PGLYRP3: variants seen among roughly 807,000 people sequenced by gnomAD.
PGLYRP3 encodes peptidoglycan recognition protein I alpha.
Under a neutral mutation model 36.0 loss-of-function variants are expected in PGLYRP3, and 39 were observed. The observed-to-expected ratio is 1.08, with a 90% CI of 0.84 to 1.41. The LOEUF (loss-of-function observed/expected upper bound fraction) is 1.41. Among genes scored for constraint, PGLYRP3 ranks in the 40% most tolerant of loss-of-function variants. The pLI, the probability that PGLYRP3 is intolerant of heterozygous loss-of-function variation, is 0.00. For synonymous variants in PGLYRP3, 204 were observed against 172.8 expected, an observed-to-expected ratio of 1.18 and a Z score of -1.42; for missense variants, 407 against 427.9, an observed-to-expected ratio of 0.95 and a Z score of 0.43.
intron 3 of PGLYRP3, 66 bp downstream of exon 3, chr1:153,307,000 A>G (rs1332600949): frequency 3.4e-6 from 5 of 1,478,472 alleles, no homozygotes; most frequent in Non-Finnish European, 4.7e-6. Context: ...AGCCACAGAG[A>G]AGGGGAAGTG....
At chr1:153,309,864 C>T (rs953973428) in intron 2 of PGLYRP3, among the ~76,000 whole-genome samples, 1 of 152,158 alleles carries the variant, frequency 6.6e-6, no homozygotes, top group South Asian at 2.1e-4. Flanking sequence ...AGTTAATTTC[C>T]CCATCAGGGC....
chr1:153,309,460 GT>G (rs1298440768), intron 2 of PGLYRP3, among the ~76,000 whole-genome samples: 4 of 152,194 alleles, frequency 2.6e-5, no homozygotes, highest in Non-Finnish European at 4.4e-5. Flanking sequence ...CCCCAAAGTT[GT>G]CAGATGAACT....
At chr1:153,298,259 C>T in intron 7 of PGLYRP3, 125 bp from the exon 8 acceptor site, 1 of 1,044,122 alleles carries the variant, frequency 9.6e-7, no homozygotes, top group Admixed American at 2.3e-5. Context: ...TCACCATAGC[C>T]AACACATTTA....
intron 2 of PGLYRP3, 116 bp from the exon 3 acceptor site, chr1:153,307,383 C>T (rs1659771866): frequency 8.1e-6 from 8 of 988,648 alleles, no homozygotes; most frequent in Non-Finnish European, 1.2e-5. Context: ...GCATGGGAGA[C>T]ACCCTGGGGG....
At chr1:153,309,845 G>GCTTGGGCAAGTTAATTTC (rs1553194897) in intron 2 of PGLYRP3, among the ~76,000 whole-genome samples, 3 of 152,214 alleles carry the variant, frequency 2.0e-5, no homozygotes, top group African/African-American at 2.4e-5. Context: ...TCCCTGCTTT[G>GCTTGGGCAAGTTAATTTC]CTTGGGCAAG....
intron 3 of PGLYRP3, among the ~76,000 whole-genome samples, chr1:153,306,283 CATGCGGGACA>C (rs2101521220): frequency 6.6e-6 from 1 of 152,302 alleles, no homozygotes; most frequent in South Asian, 2.1e-4. Context: ...TTTAGAGTTC[CATGCGGGACA>C]GCCCCATTCC....
chr1:153,298,165 A>C lies in PGLYRP3; in HGVS notation c.848-31T>G, dbSNP rs866244007. 3.7e-6 allele frequency: 6 copies of C among 1,605,152 alleles called. No individual in the cohort carries two copies. In the Middle Eastern group the frequency reaches 1.0e-3, roughly 267 times the overall value. On this transcript the variant is annotated intron_variant, in intron 7 of 7. Transcript: ENST00000683862. ...AAACACATTTTCCCCATCAGTCATT[A>C]GGGGCTCAAAGTTTCTTGATTAGGG... is the stretch of plus-strand genomic sequence containing the variant.
At chr1:153,300,032 A>G (rs147722477) in intron 6 of PGLYRP3, among the ~76,000 whole-genome samples, 3 of 152,260 alleles carry the variant, frequency 2.0e-5, no homozygotes, top group East Asian at 3.9e-4. Flanking sequence ...TACAAATCCT[A>G]TCATAGAGCA....
intron 1 of PGLYRP3, among the ~76,000 whole-genome samples, chr1:153,311,201 A>G (rs977548911): frequency 3.3e-5 from 5 of 152,108 alleles, no homozygotes; most frequent in African/African-American, 1.2e-4. Context: ...CATTCAATTC[A>G]GTCATCTACT....
chr1:153,312,593 C>T (rs1400240254), intron 1 of PGLYRP3, among the ~76,000 whole-genome samples, 50 bp downstream of exon 1: 2 of 137,132 alleles, frequency 1.5e-5, no homozygotes, highest in Admixed American at 7.5e-5. Flanking sequence ...ATGAAGACTT[C>T]TAAAGAAATA....
chr1:153,304,045 T>C, intron 4 of PGLYRP3, 36 bp from the exon 5 acceptor site: 1 of 1,588,120 alleles, frequency 6.3e-7, no homozygotes, highest in Non-Finnish European at 8.6e-7. Context: ...AAAATGTCAG[T>C]AAGAAACTCC....
chr1:153,297,885 A>AG lies in PGLYRP3; in HGVS notation c.*70_*71insC. 1.3e-6 allele frequency: 2 copies of AG among 1,550,628 alleles called. No homozygotes were observed. Among genetic ancestry groups the AG allele is most frequent in the Non-Finnish European group, 1.8e-6 (2 of 1,137,044 alleles). ...GGAGGGGGACACAAGGTGCTGAGCC[A>AG]CCTTGGCTGGTGAGGGTTGGAGAGA... is the stretch of plus-strand genomic sequence containing the variant. On this transcript the variant is annotated 3_prime_UTR_variant, in exon 8 of 8. Transcript: ENST00000683862.
chr1:153,301,212 T>C lies in PGLYRP3; in HGVS notation c.728+1197A>G, dbSNP rs146262047. On this transcript the variant is annotated intron_variant, in intron 6 of 7. Coordinates refer to ENST00000683862, the MANE Select transcript of PGLYRP3 (RefSeq NM_052891.3). ...CTGAGATTATAGGCATGAGCCACCG[T>C]GCCTGGCCAAATTAATCATCTTTGG... 5.3e-5 allele frequency among the ~76,000 whole-genome samples: 8 copies of C among 152,354 alleles called. No individual in the cohort carries two copies. In the East Asian group the frequency reaches 1.5e-3, roughly 29 times the overall value.
intron 1 of PGLYRP3, among the ~76,000 whole-genome samples, 139 bp downstream of exon 1, chr1:153,312,503 GA>G (rs1659918969): frequency 6.6e-6 from 1 of 152,004 alleles, no homozygotes; most frequent in Admixed American, 6.5e-5. Flanking sequence ...TTTGGAGAAA[GA>G]GTTCCAAAAA....
At chr1:153,305,354 T>C (rs1659717208) in intron 3 of PGLYRP3, among the ~76,000 whole-genome samples, 1 of 152,222 alleles carries the variant, frequency 6.6e-6, no homozygotes, top group Non-Finnish European at 1.5e-5. Context: ...CCTGAGGACA[T>C]TAGTTCAATG....
In PGLYRP3 at chr1:153,298,245, G is replaced by A. The variant is rs564658419; in HGVS notation, c.848-111C>T. 4.5e-5 allele frequency: 53 copies of A among 1,177,446 alleles called. No homozygotes were observed. The Admixed American group carries it at 4.5e-4, about 10-fold the overall frequency. The allele number at this position is 1,177,446 out of a possible 1,614,324, so 72.9% of individuals were successfully genotyped here. On this transcript the variant is annotated intron_variant, in intron 7 of 7. Coordinates refer to ENST00000683862, the MANE Select transcript of PGLYRP3 (RefSeq NM_052891.3). ...TTCTTCCTCCACCACGCCCCATTCCGCCATCACCATAGCCAACACATTTAC... is the reference window on the plus strand; with the variant it reads ...TTCTTCCTCCACCACGCCCCATTCCACCATCACCATAGCCAACACATTTAC...
intron 6 of PGLYRP3, 65 bp from the exon 7 acceptor site, chr1:153,299,296 C>T: frequency 1.8e-6 from 2 of 1,112,414 alleles, no homozygotes; most frequent in Non-Finnish European, 1.3e-6. Context: ...ACTTCATTCA[C>T]TCCTTCAACC....
At chr1:153,300,197 C>T (rs1009562104) in intron 6 of PGLYRP3, among the ~76,000 whole-genome samples, 1 of 152,066 alleles carries the variant, frequency 6.6e-6, no homozygotes, top group African/African-American at 2.4e-5. Flanking sequence ...TCTGTCTGAA[C>T]CCCGGGCCCT....
intron 2 of PGLYRP3, among the ~76,000 whole-genome samples, chr1:153,310,281 C>T (rs1659862621): frequency 1.3e-5 from 2 of 152,154 alleles, no homozygotes; most frequent in South Asian, 4.1e-4. Flanking sequence ...ACAAATTACC[C>T]AGCACTAACT....
Sources: gnomAD v4.1 joint callset for allele counts (sites outside exome capture counted in the v4.1 genomes callset) on GRCh38, gnomAD v4.1.1 for gene constraint, MANE v1.5 for transcripts, NCBI Gene and HGNC (gene_info 2026-07-23, HGNC 2026-07-21) for gene names.